Variants in RASGRP1 observed in about 807,000 individuals in gnomAD.
The protein encoded by RASGRP1 is RAS guanyl-releasing protein 1.
Under a neutral mutation model 95.1 loss-of-function variants are expected in RASGRP1, and 37 were observed. That is an observed-to-expected ratio of 0.39 (90% CI 0.30 to 0.51). RASGRP1 has a LOEUF of 0.51. Ranked by LOEUF, RASGRP1 falls within the 20% of genes least tolerant of loss-of-function variation. The pLI is 0.80. For synonymous variants in RASGRP1, 325 were observed against 353.4 expected (o/e 0.92, Z 0.90); for missense variants, 711 against 965.4 (o/e 0.74, Z 3.49).
chr15:38,500,006 T>G, intron 14 of RASGRP1, 97 bp downstream of exon 14: 1 of 1,271,376 alleles, frequency 7.9e-7, no homozygotes, highest in Non-Finnish European at 1.1e-6. Context: ...CAATTAAACC[T>G]CTTGCCTTTA....
chr15:38,519,611 G>A (rs897159353), intron 3 of RASGRP1, among the ~76,000 whole-genome samples: 8 of 152,160 alleles, frequency 5.3e-5, no homozygotes, highest in East Asian at 1.9e-4. Flanking sequence ...CCTGGCTTAC[G>A]GAAGGAAGCA....
chr15:38,544,053 A>G (rs1257775432), intron 2 of RASGRP1, among the ~76,000 whole-genome samples: 2 of 152,204 alleles, frequency 1.3e-5, no homozygotes, highest in Non-Finnish European at 2.9e-5. Context: ...GGGACCTTAA[A>G]TTAATCCTGT....
intron 6 of RASGRP1, among the ~76,000 whole-genome samples, chr15:38,515,770 G>T (rs1490029319): frequency 7.4e-6 from 1 of 135,292 alleles, no homozygotes; most frequent in South Asian, 2.4e-4. Context: ...TCCTCTCCCC[G>T]CCCCCGCACC....
intron 2 of RASGRP1, among the ~76,000 whole-genome samples, chr15:38,542,008 C>T (rs1016545321): frequency 6.6e-6 from 1 of 152,122 alleles, no homozygotes; most frequent in Non-Finnish European, 1.5e-5. Context: ...TCAAGACCTC[C>T]TGATTAGCTT....
chr15:38,512,977 A>G, intron 6 of RASGRP1, 21 bp from the exon 7 acceptor site: 1 of 1,485,940 alleles, frequency 6.7e-7, no homozygotes, highest in Non-Finnish European at 8.9e-7. Flanking sequence ...AGAAACAACA[A>G]CAACAAAAAA....
At chr15:38,558,288 C>T (rs1478716953) in intron 2 of RASGRP1, among the ~76,000 whole-genome samples, 1 of 152,164 alleles carries the variant, frequency 6.6e-6, no homozygotes, top group Non-Finnish European at 1.5e-5. Flanking sequence ...AGTTTATCTC[C>T]TCGCAGTATA....
rs1241114346 is a variant in RASGRP1 at position 38,488,129 on chromosome 15, A to C, written c.*2425T>G. 1 of 152,064 alleles carries C rather than the reference A, an allele frequency of 6.6e-6. No individual in the cohort carries two copies. The highest frequency in any genetic ancestry group is 6.5e-5 in the Admixed American group (1 of 15,274). The allele number at this position is 152,064 out of a possible 1,614,324, so 9.4% of individuals were successfully genotyped here. A position where few individuals can be genotyped will look rare whatever the true frequency, so the allele number is the denominator to read the frequency against. ...TGTAGGGATCCTAATGTCTTTTATC[A>C]TATAAATATTACACAAAGAAAACTT... is the stretch of plus-strand genomic sequence containing the variant. On this transcript the variant is annotated 3_prime_UTR_variant, in exon 17 of 17. Transcript: ENST00000310803.
chr15:38,514,146 A>ACAC (rs1426571664), intron 6 of RASGRP1, among the ~76,000 whole-genome samples: 1 of 152,190 alleles, frequency 6.6e-6, no homozygotes, highest in African/African-American at 2.4e-5. Context: ...TTACTACAGT[A>ACAC]CACCTTAGTT....
chr15:38,501,099 C>T, intron 13 of RASGRP1, 44 bp downstream of exon 13: 3 of 1,545,792 alleles, frequency 1.9e-6, no homozygotes, highest in Non-Finnish European at 2.6e-6. Context: ...GTATCCCACA[C>T]TCTTCCCCAA....
chr15:38,493,177 G>A (rs1431480490), intron 16 of RASGRP1, among the ~76,000 whole-genome samples: 27 of 131,974 alleles, frequency 2.0e-4, no homozygotes, highest in Non-Finnish European at 3.3e-5. Flanking sequence ...ACCACGCCGG[G>A]CCTTTTTTTT....
chr15:38,503,440 T>C, intron 10 of RASGRP1, 64 bp from the exon 11 acceptor site: 1 of 1,232,816 alleles, frequency 8.1e-7, no homozygotes, highest in Non-Finnish European at 1.2e-6. Context: ...TATAGCTCTT[T>C]CTTTTCCCAC....
At chr15:38,544,503 T>C (rs1893031195) in intron 2 of RASGRP1, among the ~76,000 whole-genome samples, 1 of 152,242 alleles carries the variant, frequency 6.6e-6, no homozygotes, top group South Asian at 2.1e-4. Flanking sequence ...TTCACCCTCA[T>C]GAATGGATTA....
chr15:38,526,542 C>T, intron 2 of RASGRP1, 138 bp from the exon 3 acceptor site: 2 of 610,612 alleles, frequency 3.3e-6, no homozygotes, highest in Non-Finnish European at 5.8e-6. Context: ...AGCACAGCCC[C>T]CCTCTGTTTT....
intron 2 of RASGRP1, among the ~76,000 whole-genome samples, chr15:38,550,236 T>G (rs934131815): frequency 2.4e-5 from 3 of 123,584 alleles, no homozygotes; most frequent in African/African-American, 1.1e-4. Flanking sequence ...GGTGAGACTC[T>G]GTCGCCAAAA....
chr15:38,550,083 C>A (rs944427574), intron 2 of RASGRP1, among the ~76,000 whole-genome samples: 5 of 151,676 alleles, frequency 3.3e-5, no homozygotes, highest in East Asian at 3.9e-4. Flanking sequence ...CATGGTGAAA[C>A]CCCATCTCTA....
At chr15:38,513,936 G>A (rs367582059) in intron 6 of RASGRP1, among the ~76,000 whole-genome samples, 3 of 152,222 alleles carry the variant, frequency 2.0e-5, no homozygotes, top group African/African-American at 7.2e-5. Context: ...AAGAGCCAGT[G>A]AGTGGTCTGC....
intron 13 of RASGRP1, among the ~76,000 whole-genome samples, chr15:38,500,566 G>A (rs1045177957): frequency 2.0e-5 from 3 of 152,004 alleles, no homozygotes; most frequent in Non-Finnish European, 4.4e-5. Flanking sequence ...GGCTGGTCTC[G>A]AACTCGGGGC....
intron 2 of RASGRP1, among the ~76,000 whole-genome samples, chr15:38,558,814 G>A (rs1463128251): frequency 6.6e-6 from 1 of 152,130 alleles, no homozygotes; most frequent in East Asian, 1.9e-4. Flanking sequence ...TATACATAAG[G>A]TCTGAGCAAG....
intron 6 of RASGRP1, among the ~76,000 whole-genome samples, chr15:38,514,235 T>C (rs762953035): frequency 4.6e-5 from 7 of 152,180 alleles, no homozygotes; most frequent in Non-Finnish European, 1.0e-4. Flanking sequence ...CCCATTTTAC[T>C]GTGCTATATG....
Sources: gnomAD v4.1 joint callset for allele counts (sites outside exome capture counted in the v4.1 genomes callset) on GRCh38, gnomAD v4.1.1 for gene constraint, MANE v1.5 for transcripts, NCBI Gene and HGNC (gene_info 2026-07-23, HGNC 2026-07-21) for gene names.